Variants in ZFHX3 observed in about 807,000 individuals in gnomAD.
ZFHX3 encodes the protein zinc finger homeobox protein 3.
In ZFHX3, 42 loss-of-function variants were observed where a neutral mutation model predicts 279.1. The observed-to-expected ratio is 0.15, with a 90% CI of 0.12 to 0.19. The LOEUF is 0.19. ZFHX3 is among the 10% of genes least tolerant of loss of function. The pLI is 1.00. For synonymous variants in ZFHX3, 2,293 were observed against 1,957.8 expected (o/e 1.17, Z -4.52); for missense variants, 4,981 against 4,754.0 (o/e 1.05, Z -1.40).
At chr16:73,026,182 A>G (rs143842715) in intron 1 of ZFHX3, among the ~76,000 whole-genome samples, 6 of 101,638 alleles carry the variant, frequency 5.9e-5, no homozygotes, top group African/African-American at 2.6e-4. Context: ...CCCCATCTCT[A>G]CAAAAAATAC....
At chr16:73,512,231 C>A (rs933471875) in intron 2 of ZFHX3, among the ~76,000 whole-genome samples, 2 of 142,410 alleles carry the variant, frequency 1.4e-5, no homozygotes, top group African/African-American at 5.3e-5. Context: ...AGGTTGAGAC[C>A]ATCCTGGCCC....
chr16:72,982,008 G>C (rs71388951), intron 1 of ZFHX3, among the ~76,000 whole-genome samples: 2,803 of 151,034 alleles, frequency 0.019, 32 homozygotes, highest in Non-Finnish European at 0.029. Flanking sequence ...TCAGCCTCCT[G>C]AGTAGCTGGG....
At chr16:73,463,094 A>G (rs1471453703) in intron 2 of ZFHX3, among the ~76,000 whole-genome samples, 1 of 152,180 alleles carries the variant, frequency 6.6e-6, no homozygotes, top group Non-Finnish European at 1.5e-5. Flanking sequence ...GCAAGGTCTG[A>G]AGTCTATAAT....
intron 5 of ZFHX3, among the ~76,000 whole-genome samples, chr16:73,153,244 G>A (rs190147104): frequency 4.6e-4 from 70 of 152,266 alleles, no homozygotes; most frequent in Non-Finnish European, 8.1e-4. Flanking sequence ...AATCATCTTC[G>A]ATAAATAATT....
intron 5 of ZFHX3, chr16:72,822,115 T>G (rs2036807914): frequency 6.6e-6 from 1 of 152,210 alleles, no homozygotes; most frequent in Non-Finnish European, 1.5e-5. Context: ...TAACTTGGAC[T>G]TAAAGGTACT....
At chr16:72,979,704 G>A (rs947372986) in intron 1 of ZFHX3, among the ~76,000 whole-genome samples, 1 of 152,084 alleles carries the variant, frequency 6.6e-6, no homozygotes, top group Non-Finnish European at 1.5e-5. Flanking sequence ...TATTGATCCT[G>A]TTTACAATAT....
At chr16:73,643,727 TCA>T (rs960151117) in intron 2 of ZFHX3, among the ~76,000 whole-genome samples, 1 of 152,242 alleles carries the variant, frequency 6.6e-6, no homozygotes, top group African/African-American at 2.4e-5. Context: ...AACAGAATGC[TCA>T]CTCTGCCAAG....
In ZFHX3 at chr16:72,786,999, T is replaced by A. The variant is rs1597219714; in HGVS notation, c.*165A>T. On this transcript the variant is annotated 3_prime_UTR_variant, in exon 10 of 10. Transcript: ENST00000268489. The stretch of plus-strand genomic sequence containing the variant: ...AAGAATGTAAAATCACCGGCATAGA[T>A]AGGTATATGGGAAAACAACCCACGC... 1.8e-6 allele frequency: 1 copy of A among 565,754 alleles called. No homozygotes were observed. The highest frequency in any genetic ancestry group is 4.1e-5 in the East Asian group (1 of 24,382). The allele number at this position is 565,754 out of a possible 1,614,324, so 35.0% of individuals were successfully genotyped here.
intron 1 of ZFHX3, among the ~76,000 whole-genome samples, chr16:73,811,691 C>A (rs558548822): frequency 6.6e-6 from 1 of 152,178 alleles, no homozygotes; most frequent in South Asian, 2.1e-4. Context: ...ATGATCTGCC[C>A]ACCTCTGCCT....
intron 3 of ZFHX3, among the ~76,000 whole-genome samples, chr16:72,894,717 A>T (rs765267333): frequency 6.6e-6 from 1 of 152,200 alleles, no homozygotes; most frequent in East Asian, 1.9e-4. Context: ...TAATATATGA[A>T]GAATCCACCA....
intron 7 of ZFHX3, among the ~76,000 whole-genome samples, chr16:73,129,501 G>A (rs1269213361): frequency 6.6e-6 from 1 of 151,712 alleles, no homozygotes; most frequent in Non-Finnish European, 1.5e-5. Flanking sequence ...AGCCTTCTAT[G>A]TACCTTAATT....
intron 1 of ZFHX3, among the ~76,000 whole-genome samples, chr16:73,814,662 G>A (rs1458332730): frequency 1.3e-5 from 2 of 151,650 alleles, no homozygotes; most frequent in African/African-American, 4.8e-5. Flanking sequence ...CTGCCTCCTG[G>A]GTTCAAGTGA....
chr16:73,624,414 G>A (rs901802359), intron 2 of ZFHX3, among the ~76,000 whole-genome samples: 1 of 152,086 alleles, frequency 6.6e-6, no homozygotes, highest in Non-Finnish European at 1.5e-5. Context: ...AAGGAGAGAC[G>A]CAGCTGTCAT....
At chr16:73,290,455 C>A (rs2014739979) in intron 4 of ZFHX3, among the ~76,000 whole-genome samples, 1 of 152,132 alleles carries the variant, frequency 6.6e-6, no homozygotes, top group African/African-American at 2.4e-5. Flanking sequence ...TGGGCAGGGG[C>A]CTGTTTAATG....
intron 4 of ZFHX3, among the ~76,000 whole-genome samples, chr16:73,287,121 C>T (rs1487540463): frequency 1.7e-4 from 14 of 81,528 alleles, no homozygotes; most frequent in East Asian, 1.6e-3. Flanking sequence ...TGTGGGTCAG[C>T]GTGTCGGTGT....
intron 6 of ZFHX3, among the ~76,000 whole-genome samples, chr16:73,133,346 A>G (rs1480214463): frequency 6.6e-6 from 1 of 152,020 alleles, no homozygotes; most frequent in Non-Finnish European, 1.5e-5. Context: ...ACATGGTGAA[A>G]CCCCGTCTCT....
chr16:73,858,925 C>T (rs1174581826), intron 1 of ZFHX3, among the ~76,000 whole-genome samples: 1 of 152,198 alleles, frequency 6.6e-6, no homozygotes, highest in African/African-American at 2.4e-5. Flanking sequence ...CACCATCTTC[C>T]ATCCCTCCTT....
intron 1 of ZFHX3, among the ~76,000 whole-genome samples, chr16:73,018,580 AGAGTG>A (rs1964187926): frequency 6.6e-6 from 1 of 152,168 alleles, no homozygotes; most frequent in Non-Finnish European, 1.5e-5. Context: ...GCCTGGCGAC[AGAGTG>A]AGACTCCATC....
At chr16:72,916,484 A>G (rs539847529) in intron 3 of ZFHX3, among the ~76,000 whole-genome samples, 18 of 152,358 alleles carry the variant, frequency 1.2e-4, no homozygotes, top group African/African-American at 4.3e-4. Context: ...GTGAACAGAG[A>G]CAGAAGTCAT....
Sources: gnomAD v4.1 joint callset for allele counts (sites outside exome capture counted in the v4.1 genomes callset) on GRCh38, gnomAD v4.1.1 for gene constraint, MANE v1.5 for transcripts, NCBI Gene and HGNC (gene_info 2026-07-23, HGNC 2026-07-21) for gene names.